Variants in ZNF462 observed in about 807,000 individuals in gnomAD.
ZNF462 encodes the protein zinc finger protein 462.
ZNF462 carries 10 observed loss-of-function variants against 201.9 expected under a neutral mutation model. That is an observed-to-expected ratio of 0.05 (90% CI 0.03 to 0.08). ZNF462 has a LOEUF of 0.08. Ranked by LOEUF, ZNF462 falls within the 10% of genes least tolerant of loss-of-function variation. ZNF462 has a pLI of 1.00. For synonymous variants in ZNF462, 1,227 were observed against 1,193.3 expected, an observed-to-expected ratio of 1.03 and a Z score of -0.58; for missense variants, 2,523 against 3,168.3, an observed-to-expected ratio of 0.80 and a Z score of 4.89.
At position 106,930,706 on chromosome 9, in the gene ZNF462, C is replaced by T. The variant is rs753423531; in HGVS notation, c.6012+17C>T. 1 of 1,613,516 alleles carries T rather than the reference C, an allele frequency of 6.2e-7. No individual in the cohort carries two copies. The highest frequency in any genetic ancestry group is 8.5e-7 in the Non-Finnish European group (1 of 1,179,772). On this transcript the variant is annotated intron_variant, in intron 4 of 12. Transcript: ENST00000277225. The surrounding 1 kb of genome is among the most constrained non-coding windows in gnomAD (Gnocchi z 5.8). ...GCTGTGAAGGTGAGAACTGGAAGGT[C>T]TGGATGAGCATTGTGTGTGAGCGAT...
intron 10 of ZNF462, among the ~76,000 whole-genome samples, chr9:106,988,059 G>A (rs1309332611): frequency 6.6e-6 from 1 of 151,988 alleles, no homozygotes; most frequent in Non-Finnish European, 1.5e-5. Flanking sequence ...GTTTTGGTGA[G>A]GAACAGCATA....
At position 107,003,152 on chromosome 9, in the gene ZNF462, G is replaced by T; in HGVS notation, c.7057-142G>T. ...CCAAAAGAGTCAAAACGAAGAAAAAGACCTCTTAGGCCCCGGAGTTGTTTG... is the reference window on the plus strand; with the variant it reads ...CCAAAAGAGTCAAAACGAAGAAAAATACCTCTTAGGCCCCGGAGTTGTTTG... On this transcript the variant is annotated intron_variant, in intron 10 of 12. Coordinates refer to ENST00000277225, the MANE Select transcript of ZNF462 (RefSeq NM_021224.6). This position sits in a 1 kb window ranked among gnomAD's most constrained non-coding sequence, Gnocchi z 4.4. 9.5e-7 allele frequency: 1 copy of T among 1,058,042 alleles called. No individual in the cohort carries two copies. The highest frequency in any genetic ancestry group is 1.4e-6 in the Non-Finnish European group (1 of 738,252). The allele number at this position is 1,058,042 out of a possible 1,614,324, so 65.5% of individuals were successfully genotyped here. A position where few individuals can be genotyped will look rare whatever the true frequency, so the allele number is the denominator to read the frequency against.
rs745486044 is a variant in ZNF462 at position 106,924,792 on chromosome 9, C to A, written c.880C>A (p.Pro294Thr). 1.4e-5 allele frequency: 23 copies of A among 1,614,126 alleles called. No individual in the cohort carries two copies. The highest frequency in any genetic ancestry group is 1.9e-5 in the Non-Finnish European group (23 of 1,180,028). Reference sequence around the variant, plus strand: ...ACCTGATGTGCCGAACAAGAGTGCCCCCAGCCCCACTTCCAACTCCACCTA... The same window carrying A: ...ACCTGATGTGCCGAACAAGAGTGCCACCAGCCCCACTTCCAACTCCACCTA... The part of the protein sequence containing the change: ...NLPDVPNKSA[P>T]SPTSNSTYLT... The change falls in exon 3 of 13, where the codon CCC becomes ACC. Residue 294 changes from proline (P) to threonine (T), a missense_variant. Transcript: ENST00000277225. This position sits in a 1 kb window ranked among gnomAD's most constrained non-coding sequence, Gnocchi z 6.2.
Position 106,920,579 on chromosome 9 carries a change from A to C in ZNF462, c.-30-2775A>C, listed in dbSNP as rs1166756602. Among the ~76,000 whole-genome samples the C allele has an allele frequency of 1.3e-5, 2 of 152,160 alleles. No individual in the cohort carries two copies. The highest frequency in any genetic ancestry group is 2.9e-5 in the Non-Finnish European group (2 of 68,042). ...AGGCTGCAACAACATTAAAGCTAGA[A>C]CCCATTAGGAAATCACTTTCATCAT... On this transcript the variant is annotated intron_variant, in intron 1 of 12. Coordinates refer to ENST00000277225, the MANE Select transcript of ZNF462 (RefSeq NM_021224.6). This position sits in a 1 kb window ranked among gnomAD's most constrained non-coding sequence, Gnocchi z 4.3.
rs1830193972 is a variant in ZNF462, at chr9:106,926,366, G to A, written c.2454G>A (p.Leu818=). Residue 818 remains leucine (L), a synonymous_variant, in exon 3 of 13, where the codon CTG becomes CTA. Transcript: ENST00000277225. This position sits in a 1 kb window ranked among gnomAD's most constrained non-coding sequence, Gnocchi z 7.9. ...KDHQVSNTAL[L]NTQTPIYGTE... ...ACCAAGTTTCCAATACTGCTCTGCT[G>A]AATACCCAAACTCCCATCTATGGGA... 2 of 1,614,158 alleles carry A rather than the reference G, an allele frequency of 1.2e-6. No individual in the cohort carries two copies. The highest frequency in any genetic ancestry group is 1.7e-6 in the Non-Finnish European group (2 of 1,180,022).
In ZNF462 at chr9:106,880,798, G is replaced by T. The variant is rs2130931083; in HGVS notation, c.-31+17443G>T. Among the ~76,000 whole-genome samples the T allele has an allele frequency of 6.6e-6, 1 of 152,306 alleles. No individual in the cohort carries two copies. Among genetic ancestry groups the T allele is most frequent in the South Asian group, 2.1e-4 (1 of 4,828 alleles). The stretch of plus-strand genomic sequence containing the variant: ...AGGAATGTCTAGTAGGCAGTGTGGG[G>T]ACCTGGACTCCCAAGATGGATTGGG... On this transcript the variant is annotated intron_variant, in intron 1 of 12. Transcript: ENST00000277225. The surrounding 1 kb of genome is among the most constrained non-coding windows in gnomAD (Gnocchi z 4.1).
Position 106,972,941 on chromosome 9 carries a change from G to T in ZNF462, c.6695+669G>T, listed in dbSNP as rs919427757. On this transcript the variant is annotated intron_variant, in intron 8 of 12. Transcript: ENST00000277225. The surrounding 1 kb of genome is among the most constrained non-coding windows in gnomAD (Gnocchi z 4.8). ...CCTGTGAGATAGCGTTTAGGTTAGTGGTTACAAGTGTAGAGTGTGGAGCCT... is the reference window on the plus strand; with the variant it reads ...CCTGTGAGATAGCGTTTAGGTTAGTTGTTACAAGTGTAGAGTGTGGAGCCT... Among the ~76,000 whole-genome samples, 6 of 152,182 alleles carry T rather than the reference G, an allele frequency of 3.9e-5. No homozygotes were observed. Among genetic ancestry groups the T allele is most frequent in the African/African-American group, 1.4e-4 (6 of 41,430 alleles).
At chr9:106,900,437 T>TA (rs1829016928) in intron 1 of ZNF462, among the ~76,000 whole-genome samples, 1 of 152,180 alleles carries the variant, frequency 6.6e-6, no homozygotes, top group African/African-American at 2.4e-5. Flanking sequence ...GTTCTACTTT[T>TA]AGCTCTTTAA....
rs748319588 is a variant in ZNF462 at position 106,923,627 on chromosome 9, C to T, written c.220+24C>T. ...AGGTAAATCTATACTAAACTTGGCA[C>T]GGCCGATGTATTTTAATTGCTCTTG... On this transcript the variant is annotated intron_variant, in intron 2 of 12. Transcript: ENST00000277225. The surrounding 1 kb of genome is among the most constrained non-coding windows in gnomAD (Gnocchi z 5.6). The T allele has an allele frequency of 3.6e-5, 58 of 1,605,370 alleles. No individual in the cohort carries two copies. The highest frequency in any genetic ancestry group is 4.4e-5 in the Non-Finnish European group (51 of 1,172,366).
At chr9:106,889,711 A>G (rs1341958829) in intron 1 of ZNF462, among the ~76,000 whole-genome samples, 1 of 152,152 alleles carries the variant, frequency 6.6e-6, no homozygotes, top group Non-Finnish European at 1.5e-5. Flanking sequence ...TTGGCTCTAC[A>G]GAAATGAAAG....
chr9:106,864,209 G>A (rs1827223421), intron 1 of ZNF462, among the ~76,000 whole-genome samples: 1 of 151,592 alleles, frequency 6.6e-6, no homozygotes, highest in African/African-American at 2.4e-5. Context: ...GGCGAGGAGC[G>A]GGGGGCACCG....
At chr9:106,918,563 A>T (rs1364655612) in intron 1 of ZNF462, among the ~76,000 whole-genome samples, 2 of 152,160 alleles carry the variant, frequency 1.3e-5, no homozygotes, top group Non-Finnish European at 2.9e-5. Context: ...AGTGATAGAG[A>T]ACTTCCCTTG....
rs1221202890 is a variant in ZNF462 at position 106,886,534 on chromosome 9, G to A, written c.-31+23179G>A. ...CATCCTCAAATATACAACAATGTCAGCTACAAAAAAAATAGAAGAGATAGG... is the reference window on the plus strand; with the variant it reads ...CATCCTCAAATATACAACAATGTCAACTACAAAAAAAATAGAAGAGATAGG... On this transcript the variant is annotated intron_variant, in intron 1 of 12. Transcript: ENST00000277225. This position sits in a 1 kb window ranked among gnomAD's most constrained non-coding sequence, Gnocchi z 4.6. Among the ~76,000 whole-genome samples the A allele has an allele frequency of 6.6e-6, 1 of 152,108 alleles. No individual in the cohort carries two copies. Among genetic ancestry groups the A allele is most frequent in the Non-Finnish European group, 1.5e-5 (1 of 68,020 alleles).
Position 106,917,533 on chromosome 9 carries a change from G to T in ZNF462, c.-30-5821G>T, listed in dbSNP as rs1040921186. Reference sequence around the variant, plus strand: ...CTATTTAACTTCAGTCTCATATTGGGGGTTACATATGTGATTGCAAATTAA... The same window carrying T: ...CTATTTAACTTCAGTCTCATATTGGTGGTTACATATGTGATTGCAAATTAA... On this transcript the variant is annotated intron_variant, in intron 1 of 12. Coordinates refer to ENST00000277225, the MANE Select transcript of ZNF462 (RefSeq NM_021224.6). This position sits in a 1 kb window ranked among gnomAD's most constrained non-coding sequence, Gnocchi z 4.5. Among the ~76,000 whole-genome samples, 7 of 152,118 alleles carry T rather than the reference G, an allele frequency of 4.6e-5. No homozygotes were observed. The highest frequency in any genetic ancestry group is 7.4e-5 in the Non-Finnish European group (5 of 68,016).
chr9:106,874,427 A>G (rs1395465799), intron 1 of ZNF462, among the ~76,000 whole-genome samples: 3 of 152,248 alleles, frequency 2.0e-5, no homozygotes, highest in Non-Finnish European at 4.4e-5. Context: ...AACTGGGTCA[A>G]CATATCTTTG....
chr9:106,864,054 CTCTCT>C (rs1423102122), intron 1 of ZNF462, among the ~76,000 whole-genome samples: 1 of 62,866 alleles, frequency 1.6e-5, no homozygotes, highest in Admixed American at 1.6e-4. Context: ...CTCTCTCTCT[CTCTCT>C]CTCTCTCTCT....
At chr9:106,987,018 TAGATAGATA>T (rs1258978407) in intron 10 of ZNF462, among the ~76,000 whole-genome samples, 4 of 148,888 alleles carry the variant, frequency 2.7e-5, no homozygotes, top group East Asian at 4.5e-4. Flanking sequence ...GATAGATAGA[TAGATAGATA>T]GATAGATAGA....
At chr9:106,955,248 G>A (rs956665225) in intron 7 of ZNF462, among the ~76,000 whole-genome samples, 3 of 152,108 alleles carry the variant, frequency 2.0e-5, no homozygotes, top group African/African-American at 4.8e-5. Context: ...GACCACCTCA[G>A]TAAAGCAAAT....
At chr9:106,867,982 T>A (rs961512928) in intron 1 of ZNF462, among the ~76,000 whole-genome samples, 21 of 151,750 alleles carry the variant, frequency 1.4e-4, no homozygotes, top group Admixed American at 9.2e-4. Context: ...CTGCTAAGGA[T>A]CTAACATGAA....
Sources: gnomAD v4.1 joint callset for allele counts (sites outside exome capture counted in the v4.1 genomes callset) on GRCh38, gnomAD v4.1.1 for gene constraint, Gnocchi (gnomAD v3.1) non-coding constraint, MANE v1.5 for transcripts, NCBI Gene and HGNC (gene_info 2026-07-23, HGNC 2026-07-21) for gene names.